Variants in DIXDC1 observed in about 807,000 individuals in gnomAD.
The protein encoded by DIXDC1 is dixin.
A neutral mutation model predicts 103.1 loss-of-function variants in DIXDC1; 64 were observed. The ratio of observed to expected loss-of-function variants is 0.62; its 90% CI spans 0.51 to 0.76. DIXDC1 has a LOEUF of 0.76. Ranked by LOEUF, DIXDC1 falls within the 30% of genes least tolerant of loss-of-function variation. DIXDC1 has a pLI of 0.00. For missense variants in DIXDC1, 759 were observed against 834.2 expected, an observed-to-expected ratio of 0.91 and a Z score of 1.11; for synonymous variants, 266 against 298.5, an observed-to-expected ratio of 0.89 and a Z score of 1.12.
chr11:111,959,880 A>G (rs1859514121), intron 1 of DIXDC1, among the ~76,000 whole-genome samples: 1 of 152,116 alleles, frequency 6.6e-6, no homozygotes, highest in Non-Finnish European at 1.5e-5. Flanking sequence ...CAAAGAAGGA[A>G]GGAAAGAGGA....
intron 1 of DIXDC1, among the ~76,000 whole-genome samples, chr11:111,960,594 TAAAAA>T (rs57035300): frequency 7.2e-6 from 1 of 139,686 alleles, no homozygotes; most frequent in East Asian, 2.1e-4. Flanking sequence ...AACTCTGTCT[TAAAAA>T]AAAAAAAAAA....
At chr11:111,932,290 G>A (rs1966049817) in intron 2 of DIXDC1, among the ~76,000 whole-genome samples, 1 of 150,676 alleles carries the variant, frequency 6.6e-6, no homozygotes, top group Non-Finnish European at 1.5e-5. Context: ...CTCCTGCCTC[G>A]GCCTCCCAAA....
At chr11:111,975,732 T>C in intron 5 of DIXDC1, 3 of 985,502 alleles carry the variant, frequency 3.0e-6, no homozygotes, top group Non-Finnish European at 3.6e-6. Context: ...CTGTGTAATC[T>C]GCTCTATTTA....
At chr11:111,951,537 T>C (rs1339480195) in intron 1 of DIXDC1, among the ~76,000 whole-genome samples, 1 of 152,208 alleles carries the variant, frequency 6.6e-6, no homozygotes, top group African/African-American at 2.4e-5. Flanking sequence ...ACTAATATTA[T>C]TTATGAATAT....
At position 111,993,785 on chromosome 11, in the gene DIXDC1, C is replaced by T. The variant is rs181156346; in HGVS notation, c.1437+45C>T. ...CTCCCTCCCACATTTATGAAGCAAA[C>T]GGGGAGATTGTGTTTCTGACTCAGA... is the stretch of plus-strand genomic sequence containing the variant. On this transcript the variant is annotated intron_variant, in intron 14 of 19. Transcript: ENST00000440460. The T allele has an allele frequency of 8.8e-3, 14,108 of 1,599,064 alleles. 87 individuals carry two copies. Among genetic ancestry groups the T allele is most frequent in the Non-Finnish European group, 0.01 (12,131 of 1,171,242 alleles).
Position 112,017,849 on chromosome 11 carries a change from A to AGCACTGGATCCTGAGTTTG in DIXDC1, c.1942_1960dup (p.Val654GlyfsTer3). Reference sequence around the variant, plus strand: ...AAGGAAATCACCGGTATCACTTCAAAGCACTGGATCCTGAGTTTGGCACTG... The same window carrying AGCACTGGATCCTGAGTTTG: ...AAGGAAATCACCGGTATCACTTCAAAGCACTGGATCCTGAGTTTGGCACTGGATCCTGAGTTTGGCACTG... On this transcript the variant is annotated frameshift_variant, in exon 19 of 20. Transcript: ENST00000440460. LOFTEE classifies it high-confidence loss of function. The surrounding 1 kb of genome is among the most constrained non-coding windows in gnomAD (Gnocchi z 4.0). 6.2e-7 allele frequency: 1 copy of AGCACTGGATCCTGAGTTTG among 1,611,470 alleles called. No homozygotes were observed. Among genetic ancestry groups the AGCACTGGATCCTGAGTTTG allele is most frequent in the Non-Finnish European group, 8.5e-7 (1 of 1,178,542 alleles).
At chr11:111,929,829 T>G (rs1456436109) in exon 2 of DIXDC1, 1 of 1,527,466 alleles carries the variant, frequency 6.5e-7, no homozygotes, top group Non-Finnish European at 8.8e-7. Context: ...TGGCCCTGAT[T>G]CGTCTCTTCT....
chr11:111,955,702 G>A (rs1555170503), intron 1 of DIXDC1, among the ~76,000 whole-genome samples: 1 of 151,518 alleles, frequency 6.6e-6, no homozygotes, highest in East Asian at 1.9e-4. Flanking sequence ...AGGCATAGTG[G>A]CGCATGCCTG....
rs782303577 is a variant in DIXDC1, at chr11:111,977,580, ACGCCGC to A, written c.656+2609_656+2614del. ...GAGCATCCCAGTCGCTGGGGCCGAG[ACGCCGC>A]CGCCGCCGCCGTTCCCGCTTTCTCC... On this transcript the variant is annotated intron_variant, in intron 5 of 19. Transcript: ENST00000440460. This position sits in a 1 kb window ranked among gnomAD's most constrained non-coding sequence, Gnocchi z 6.1. 14 of 1,498,530 alleles carry A rather than the reference ACGCCGC, an allele frequency of 9.3e-6. No homozygotes were observed. The highest frequency in any genetic ancestry group is 1.2e-5 in the Non-Finnish European group (14 of 1,122,862). 92.8% of individuals were successfully genotyped at this position (1,498,530 alleles called of 1,614,324 possible).
At chr11:111,993,078 G>A (rs1313978268) in intron 12 of DIXDC1, 74 bp downstream of exon 12, 8 of 1,465,320 alleles carry the variant, frequency 5.5e-6, no homozygotes, top group African/African-American at 2.8e-5. Context: ...TGCTCAAAAA[G>A]CACTTAAGTA....
rs1860156391 is a variant in DIXDC1, at chr11:111,977,633, T to C, written c.656+2650T>C. The C allele has an allele frequency of 6.5e-7, 1 of 1,542,358 alleles. No homozygotes were observed. The highest frequency in any genetic ancestry group is 2.0e-5 in the Admixed American group (1 of 49,506). On this transcript the variant is annotated intron_variant, in intron 5 of 19. Coordinates refer to ENST00000440460, the MANE Select transcript of DIXDC1 (RefSeq NM_001037954.4). The surrounding 1 kb of genome is among the most constrained non-coding windows in gnomAD (Gnocchi z 6.1). ...CTCCCGCGAGCCGGGCCAGTAGCTT[T>C]GCTAGCTGGCCTTCCCGTGGAGGCG...
intron 7 of DIXDC1, 119 bp downstream of exon 7, chr11:111,982,606 G>T: frequency 9.1e-7 from 1 of 1,100,336 alleles, no homozygotes; most frequent in Non-Finnish European, 1.3e-6. Flanking sequence ...GAGGAGTTTA[G>T]ATATAGGGAA....
chr11:111,951,810 T>C (rs908065699), intron 1 of DIXDC1, among the ~76,000 whole-genome samples: 1 of 152,120 alleles, frequency 6.6e-6, no homozygotes, highest in Non-Finnish European at 1.5e-5. Context: ...TGCTCCTCCT[T>C]GCCTTCTGCC....
chr11:111,950,906 T>G (rs1555169907), intron 1 of DIXDC1, among the ~76,000 whole-genome samples: 2 of 152,246 alleles, frequency 1.3e-5, no homozygotes, highest in Non-Finnish European at 2.9e-5. Flanking sequence ...TTTAGTTACT[T>G]TAAAATGTAC....
At chr11:112,006,620 A>G (rs918920198) in intron 17 of DIXDC1, among the ~76,000 whole-genome samples, 3 of 152,226 alleles carry the variant, frequency 2.0e-5, no homozygotes, top group Non-Finnish European at 4.4e-5. Flanking sequence ...CTGTTCTGCA[A>G]TATTTGCTGT....
intron 14 of DIXDC1, among the ~76,000 whole-genome samples, chr11:111,994,194 C>T (rs1316169538): frequency 2.0e-5 from 3 of 152,080 alleles, no homozygotes; most frequent in Non-Finnish European, 2.9e-5. Flanking sequence ...TGAGACCAGC[C>T]TGGCCAATGT....
At chr11:111,938,436 C>A (rs754751321) in intron 1 of DIXDC1, among the ~76,000 whole-genome samples, 8 of 152,092 alleles carry the variant, frequency 5.3e-5, no homozygotes, top group Non-Finnish European at 1.0e-4. Flanking sequence ...ATTTCTCTCT[C>A]GCTCCTTTTC....
intron 14 of DIXDC1, 97 bp downstream of exon 14, chr11:111,993,837 G>T (rs1404959779): frequency 9.4e-6 from 13 of 1,376,378 alleles, no homozygotes; most frequent in Non-Finnish European, 1.2e-5. Flanking sequence ...AGGCTTGTTT[G>T]TTAGGAGGCT....
intron 1 of DIXDC1, among the ~76,000 whole-genome samples, chr11:111,928,015 CA>C (rs782156043): frequency 0.33 from 22,454 of 68,718 alleles, 1,224 homozygotes; most frequent in Non-Finnish European, 0.37. Flanking sequence ...GACTCCATCT[CA>C]AAAAAAAAAA....
Sources: allele counts gnomAD v4.1 joint callset (sites outside exome capture counted in the v4.1 genomes callset), GRCh38; gene constraint gnomAD v4.1.1; non-coding constraint Gnocchi (gnomAD v3.1); transcripts MANE v1.5; gene names NCBI Gene and HGNC (gene_info 2026-07-23, HGNC 2026-07-21).